The following CEP350 variants were observed in gnomAD, a reference collection of about 807,000 sequenced individuals.
CEP350 encodes the protein centrosomal protein 350, also known as centrosome-associated protein 350.
In CEP350, 126 loss-of-function variants were observed where a neutral mutation model predicts 331.8. The ratio of observed to expected loss-of-function variants is 0.38; its 90% confidence interval spans 0.33 to 0.44. The LOEUF (loss-of-function observed/expected upper bound fraction) is 0.44, where lower values mean the gene tolerates loss of function less well. Among genes scored for constraint, CEP350 ranks in the 20% least tolerant of loss-of-function variants. CEP350 has a pLI of 1.00. For synonymous variants in CEP350, 1,200 were observed against 1,259.5 expected (o/e 0.95, Z 1.00); for missense variants, 3,406 against 3,634.6 (o/e 0.94, Z 1.62).
At chr1:180,062,656 C>T (rs1021007393) in intron 26 of CEP350, among the ~76,000 whole-genome samples, 2 of 152,186 alleles carry the variant, frequency 1.3e-5, no homozygotes, top group Non-Finnish European at 2.9e-5. Context: ...TAGGGACTCT[C>T]CGCAGAGTCC....
chr1:180,107,506 G>T (rs1389270671), intron 37 of CEP350, among the ~76,000 whole-genome samples: 1 of 152,052 alleles, frequency 6.6e-6, no homozygotes, highest in South Asian at 2.1e-4. Context: ...CCATCTCTCT[G>T]AAAATACAAA....
chr1:180,065,046 T>C, intron 26 of CEP350, 69 bp from the exon 27 acceptor site: 1 of 1,415,810 alleles, frequency 7.1e-7, no homozygotes, highest in Non-Finnish European at 9.3e-7. Context: ...TAATTTTGAA[T>C]TGACAGTATT....
In CEP350 at chr1:180,114,794, G is replaced by A. The variant is rs887370461; in HGVS notation, c.*3633G>A. ...TAAAATAACTGGGATGAATTCCCAT[G>A]TATACCTGTGTAAATAGATTTGTTA... On this transcript the variant is annotated 3_prime_UTR_variant, in exon 38 of 38. Coordinates refer to ENST00000367607, the MANE Select transcript of CEP350 (RefSeq NM_014810.5). The A allele has an allele frequency of 3.3e-5, 5 of 152,598 alleles. No homozygotes were observed. Among genetic ancestry groups the A allele is most frequent in the Admixed American group, 1.3e-4 (2 of 15,272 alleles). The allele number at this position is 152,598 out of a possible 1,614,324, so 9.5% of individuals were successfully genotyped here.
chr1:180,081,290 T>G (rs1245557452), intron 30 of CEP350, among the ~76,000 whole-genome samples: 18 of 152,182 alleles, frequency 1.2e-4, no homozygotes, highest in Admixed American at 1.2e-3. Flanking sequence ...CTTTTTGTTT[T>G]CCATGTGTCA....
chr1:180,073,717 C>A lies in CEP350; in HGVS notation c.5568-1305C>A, dbSNP rs1038283034. The A allele has an allele frequency of 7.4e-6, 9 of 1,213,644 alleles. No homozygotes were observed. The South Asian group carries it at 1.1e-4, about 14-fold the overall frequency. 75.2% of individuals were successfully genotyped at this position (1,213,644 alleles called of 1,614,324 possible). ...TTAAAAGTTCTTCACTCAGCTCTTA[C>A]GCTTTCCCTTTCTCATTCTTCCTGC... On this transcript the variant is annotated intron_variant, in intron 27 of 37. Coordinates refer to ENST00000367607, the MANE Select transcript of CEP350 (RefSeq NM_014810.5).
At chr1:179,965,566 C>G (rs182292788) in intron 1 of CEP350, among the ~76,000 whole-genome samples, 1 of 150,674 alleles carries the variant, frequency 6.6e-6, no homozygotes, top group African/African-American at 2.4e-5. Flanking sequence ...AGCTAAATGC[C>G]AGAAAGGTTT....
chr1:180,090,589 G>A (rs1391833491), intron 32 of CEP350, 125 bp from the exon 33 acceptor site: 4 of 312,414 alleles, frequency 1.3e-5, no homozygotes, highest in South Asian at 9.5e-5. Flanking sequence ...CTTGATGAAA[G>A]TGACATAGAT....
chr1:180,099,084 A>G (rs2149158634), intron 37 of CEP350, 99 bp downstream of exon 37: 1 of 1,186,010 alleles, frequency 8.4e-7, no homozygotes, highest in Non-Finnish European at 1.1e-6. Flanking sequence ...TTATTCTTAA[A>G]TCTATGGTAT....
chr1:179,979,531 C>T (rs765380730), intron 1 of CEP350, among the ~76,000 whole-genome samples: 1 of 151,684 alleles, frequency 6.6e-6, no homozygotes, highest in Non-Finnish European at 1.5e-5. Context: ...CCTTGCTGTG[C>T]AGAAGCTTTT....
intron 1 of CEP350, among the ~76,000 whole-genome samples, chr1:179,971,482 C>A (rs1651449443): frequency 6.6e-6 from 1 of 150,548 alleles, no homozygotes; most frequent in Non-Finnish European, 1.5e-5. Flanking sequence ...TGCCACCACA[C>A]CTGGCTAATT....
chr1:180,092,818 C>G lies in CEP350; in HGVS notation c.6713C>G (p.Thr2238Ser). 6.4e-7 allele frequency: 1 copy of G among 1,569,830 alleles called. No individual in the cohort carries two copies. The highest frequency in any genetic ancestry group is 8.7e-7 in the Non-Finnish European group (1 of 1,155,870). The part of the protein sequence containing the change: ...ALHLLKELNA[T>S]SRILDMSDGK... ...CATCTTCTCAAAGAATTAAATGCCA[C>G]TAGTAGAATTCTTGATATGTCAGAT... Residue 2238 changes from threonine (T) to serine (S), a missense_variant, in exon 34 of 38, where the codon ACT (threonine) becomes AGT (serine). Physicochemically the swap from Thr to Ser is moderately conservative, Grantham distance 58 (BLOSUM62 1). Around this residue, in one of 5 missense-constraint regions of CEP350, gnomAD observed 1,415 missense variants for 1,512.3 expected, o/e 0.94. Transcript: ENST00000367607.
At position 180,021,103 on chromosome 1, in the gene CEP350, C is replaced by T. The variant is rs193210669; in HGVS notation, c.3235+94C>T. The T allele has an allele frequency of 4.2e-3, 4,822 of 1,142,884 alleles. 10 individuals are homozygous for T. The highest frequency in any genetic ancestry group is 0.014 in the Middle Eastern group (53 of 3,674). The allele number at this position is 1,142,884 out of a possible 1,614,324, so 70.8% of individuals were successfully genotyped here. On this transcript the variant is annotated intron_variant, in intron 12 of 37. Coordinates refer to ENST00000367607, the MANE Select transcript of CEP350 (RefSeq NM_014810.5). ...GATATGTACTTTAGTACACATTTTT[C>T]GTTGAGTGGATAATGGAGACTTATT... is the stretch of plus-strand genomic sequence containing the variant.
chr1:180,087,893 A>G (rs564938251), intron 32 of CEP350, among the ~76,000 whole-genome samples, 176 bp downstream of exon 32: 2 of 152,324 alleles, frequency 1.3e-5, no homozygotes, highest in East Asian at 3.9e-4. Context: ...AATTATATGT[A>G]TAAGGTATTG....
chr1:179,993,940 T>C (rs1653282785), intron 5 of CEP350, among the ~76,000 whole-genome samples: 1 of 152,206 alleles, frequency 6.6e-6, no homozygotes, highest in South Asian at 2.1e-4. Flanking sequence ...AAGTACTGTG[T>C]AACTTCCTCT....
At chr1:180,040,228 G>A (rs1273728166) in intron 17 of CEP350, among the ~76,000 whole-genome samples, 1 of 152,068 alleles carries the variant, frequency 6.6e-6, no homozygotes, top group African/African-American at 2.4e-5. Flanking sequence ...TTGCCTGGTA[G>A]AGGGTGGGGA....
rs181171920 is a variant in CEP350, at chr1:179,976,275, A to G, written c.-13-9894A>G. Among the ~76,000 whole-genome samples, 8 of 152,300 alleles carry G rather than the reference A, an allele frequency of 5.3e-5. No homozygotes were observed. The East Asian group carries it at 1.5e-3, about 29-fold the overall frequency. ...AGACTATACTCCAATTTTTGGTTTAAAAAACATAGACTTTTTAGTTGAAGG... is the reference window on the plus strand; with the variant it reads ...AGACTATACTCCAATTTTTGGTTTAGAAAACATAGACTTTTTAGTTGAAGG... On this transcript the variant is annotated intron_variant, in intron 1 of 37. Transcript: ENST00000367607.
intron 7 of CEP350, 102 bp from the exon 8 acceptor site, chr1:180,006,352 T>C: frequency 1.5e-6 from 1 of 659,446 alleles, no homozygotes; most frequent in African/African-American, 1.8e-5. Context: ...TCTTTCTCCC[T>C]ACCTGCAGCA....
chr1:180,054,377 A>G, intron 24 of CEP350, 38 bp from the exon 25 acceptor site: 1 of 1,457,322 alleles, frequency 6.9e-7, no homozygotes, highest in Non-Finnish European at 9.4e-7. Context: ...AGAGAAATTT[A>G]ATCAAATCTT....
intron 8 of CEP350, among the ~76,000 whole-genome samples, chr1:180,008,437 G>C (rs1654402124): frequency 1.9e-5 from 2 of 105,278 alleles, no homozygotes; most frequent in Non-Finnish European, 4.6e-5. Context: ...ACATGATAAA[G>C]ACTCAACTGT....
Sources: allele counts gnomAD v4.1 joint callset (sites outside exome capture counted in the v4.1 genomes callset), GRCh38; gene constraint gnomAD v4.1.1; regional missense constraint gnomAD v4.1.1; transcripts MANE v1.5; gene names NCBI Gene and HGNC (gene_info 2026-07-23, HGNC 2026-07-21).